Variants in MALAT1 observed in about 807,000 individuals in gnomAD.
MALAT1 encodes the protein hepcarcin.
chr11:65,504,683 A>G (rs748307717), intron 3 of MALAT1: 80 of 518,858 alleles, frequency 1.5e-4, no homozygotes, highest in Non-Finnish European at 2.9e-4. Flanking sequence ...CAGTGACAAG[A>G]AACATTCCAA....
intron 3 of MALAT1, chr11:65,505,550 C>T (rs748949519): frequency 1.9e-6 from 1 of 515,774 alleles, no homozygotes; most frequent in Non-Finnish European, 3.9e-6. Context: ...CAAGCAACTT[C>T]TCTGCCACAT....
At chr11:65,499,057 A>G (rs1370384622) in exon 3 of MALAT1, 2 of 517,862 alleles carry the variant, frequency 3.9e-6, no homozygotes, top group Non-Finnish European at 7.7e-6. Flanking sequence ...GCATTGAGGC[A>G]GCCAGCGCAG....
chr11:65,504,712 G>T (rs1364058107), intron 3 of MALAT1: 1 of 518,814 alleles, frequency 1.9e-6, no homozygotes, highest in Non-Finnish European at 3.8e-6. Flanking sequence ...CAGTCTTCAA[G>T]AAATTAAACT....
exon 3 of MALAT1, chr11:65,500,855 G>C (rs775512893): frequency 3.9e-6 from 2 of 518,812 alleles, no homozygotes; most frequent in South Asian, 1.4e-5. Flanking sequence ...GGGGAGTTTC[G>C]TACTGAGGTG....
chr11:65,501,173 T>G, exon 3 of MALAT1: 1 of 516,348 alleles, frequency 1.9e-6, no homozygotes, highest in Non-Finnish European at 3.9e-6. Flanking sequence ...TGAATTCGTT[T>G]TGTAAATGTA....
In MALAT1 at chr11:65,498,263, A is replaced by C. The variant is rs369312382; in HGVS notation, n.178+398A>C. 104 of 518,700 alleles carry C rather than the reference A, an allele frequency of 2.0e-4. No individual in the cohort carries two copies. In the Middle Eastern group the frequency reaches 7.3e-3, roughly 36 times the overall value. The allele number at this position is 518,700 out of a possible 1,614,324, so 32.1% of individuals were successfully genotyped here. ...CCACTTGAACTCGCTTTCCATGGCG[A>C]TTTGCCTTGTGAGCACTTTCAGGAG... On this transcript the variant is annotated intron_variant and non_coding_transcript_variant, in intron 1 of 3. Coordinates refer to ENST00000619449, the Ensembl canonical transcript of MALAT1.
exon 3 of MALAT1, chr11:65,499,990 A>G (rs906823141): frequency 4.7e-6 from 2 of 425,984 alleles, no homozygotes; most frequent in East Asian, 7.0e-5. Context: ...CACTGAAAAA[A>G]TGAGGAAATT....
At chr11:65,499,343 T>G (rs746870455) in exon 3 of MALAT1, 1 of 497,534 alleles carries the variant, frequency 2.0e-6, no homozygotes. Flanking sequence ...AAAAATGTAT[T>G]TAAAAGAAAA....
exon 3 of MALAT1, chr11:65,503,883 G>A (rs760911794): frequency 1.2e-5 from 6 of 517,934 alleles, no homozygotes; most frequent in Admixed American, 9.7e-5. Flanking sequence ...CTCTAAATAA[G>A]GAATAAATAA....
intron 3 of MALAT1, chr11:65,505,136 T>TG (rs1236678418): frequency 3.9e-6 from 2 of 518,964 alleles, no homozygotes; most frequent in South Asian, 1.4e-5. Flanking sequence ...TGTGTTGGCG[T>TG]GGGGGTGGAG....
At chr11:65,501,834 TA>T in exon 3 of MALAT1, 1 of 517,550 alleles carries the variant, frequency 1.9e-6, no homozygotes, top group Non-Finnish European at 3.9e-6. Context: ...TTAAAAGTTT[TA>T]TTAAAGGGGA....
At chr11:65,498,503 T>C (rs1438282221) in intron 1 of MALAT1, 1 of 517,242 alleles carries the variant, frequency 1.9e-6, no homozygotes, top group Admixed American at 2.0e-5. Context: ...GCTGCTCCGA[T>C]TTCTCGAACA....
chr11:65,499,428 C>T (rs756136240), exon 3 of MALAT1: 1 of 475,270 alleles, frequency 2.1e-6, no homozygotes, highest in Non-Finnish European at 4.2e-6. Context: ...ATGAAGGTGA[C>T]TTAAACAGCT....
chr11:65,498,774 G>T (rs1191523775), intron 2 of MALAT1: 2 of 518,824 alleles, frequency 3.9e-6, no homozygotes, highest in African/African-American at 1.9e-5. Flanking sequence ...GGTGTTTGAT[G>T]ACCCGTTTAA....
chr11:65,499,958 A>G, exon 3 of MALAT1: 1 of 429,858 alleles, frequency 2.3e-6, no homozygotes. Context: ...AAAAATATAA[A>G]GCCAAAAATT....
At chr11:65,499,009 T>A (rs749271949) in exon 3 of MALAT1, 5 of 518,738 alleles carry the variant, frequency 9.6e-6, no homozygotes, top group Non-Finnish European at 1.9e-5. Context: ...CGAGTTGTTC[T>A]CCGTCTATAA....
At chr11:65,506,267 G>GT (rs1565058110) in exon 4 of MALAT1, 1 of 451,254 alleles carries the variant, frequency 2.2e-6, no homozygotes, top group East Asian at 6.1e-5. Flanking sequence ...GAGGTGGGAG[G>GT]TAACAGCACA....
At chr11:65,500,262 GA>G (rs1226956588) in exon 3 of MALAT1, 6 of 518,492 alleles carry the variant, frequency 1.2e-5, no homozygotes, top group South Asian at 8.4e-5. Flanking sequence ...AGCTTAGTTT[GA>G]AAAATGTGAA....
At chr11:65,500,212 T>C (rs767084430) in exon 3 of MALAT1, 2 of 514,460 alleles carry the variant, frequency 3.9e-6, no homozygotes, top group South Asian at 2.8e-5. Context: ...CAGAAGGCTT[T>C]TGGAAGAGTT....
Sources: allele counts gnomAD v4.1 joint callset, GRCh38; gene constraint gnomAD v4.1.1; transcripts MANE v1.5; gene names NCBI Gene and HGNC (gene_info 2026-07-23, HGNC 2026-07-21).